Variants in SIRT4 observed in about 807,000 individuals in gnomAD.
SIRT4 encodes sirtuin 4.
SIRT4 carries 23 observed loss-of-function variants against 26.1 expected under a neutral mutation model. The ratio of observed to expected loss-of-function variants is 0.88; its 90% confidence interval spans 0.63 to 1.25. The LOEUF is 1.25. Among genes scored for constraint, SIRT4 ranks in the 50% most tolerant of loss-of-function variants. The pLI is 0.00. For synonymous variants in SIRT4, 155 were observed against 158.4 expected (o/e 0.98, Z 0.16); for missense variants, 361 against 405.4 (o/e 0.89, Z 0.94).
chr12:120,297,181 C>T, the SIRT4 span, among the ~76,000 whole-genome samples: 1 of 151,900 alleles, frequency 6.6e-6, no homozygotes, highest in African/African-American at 2.4e-5. Flanking sequence ...CTAGATTGCG[C>T]CACTGCACTC....
intron 2 of SIRT4, among the ~76,000 whole-genome samples, chr12:120,309,714 C>CTTTTT (rs564627080): frequency 2.7e-5 from 3 of 111,112 alleles, no homozygotes; most frequent in East Asian, 2.6e-4. Flanking sequence ...TGCCCGCTTT[C>CTTTTT]TTTTTTTTTT....
At chr12:120,292,118 G>T in the SIRT4 span, among the ~76,000 whole-genome samples, 1 of 152,200 alleles carries the variant, frequency 6.6e-6, no homozygotes, top group East Asian at 1.9e-4. Context: ...GGACGCTGGG[G>T]AATCTTATGC....
At chr12:120,301,107 G>A (rs555633687), upstream of SIRT4, among the ~76,000 whole-genome samples, 1 of 152,320 alleles carries the variant, frequency 6.6e-6, no homozygotes, top group East Asian at 1.9e-4. Context: ...AGTACTTTGG[G>A]AGGCTAGGGT....
At chr12:120,295,973 G>A in the SIRT4 span, among the ~76,000 whole-genome samples, 1 of 148,048 alleles carries the variant, frequency 6.8e-6, no homozygotes, top group Non-Finnish European at 1.5e-5. Flanking sequence ...TGTAATCCCA[G>A]CTACTAGGGG....
upstream of SIRT4, among the ~76,000 whole-genome samples, chr12:120,299,310 A>G (rs1031534675): frequency 6.3e-4 from 95 of 151,578 alleles, 1 homozygote; most frequent in Admixed American, 5.9e-4. Context: ...CTAGCATTTT[A>G]GGAGACTGAG....
intron 2 of SIRT4, among the ~76,000 whole-genome samples, chr12:120,307,093 C>G (rs542312694): frequency 1.3e-5 from 2 of 152,198 alleles, no homozygotes; most frequent in Admixed American, 1.3e-4. Context: ...TGAAGTCAGT[C>G]TGCCAATGCT....
In SIRT4 at chr12:120,313,125, A is replaced by G; in HGVS notation, c.*89A>G. On this transcript the variant is annotated 3_prime_UTR_variant, in exon 4 of 4. Coordinates refer to ENST00000202967, the MANE Select transcript of SIRT4 (RefSeq NM_012240.3). ...AATGCCTTCTCAAATGACAGATTCC[A>G]GTTCCCATTCAACAGAGTAGGGTGC... is the stretch of plus-strand genomic sequence containing the variant. 6.7e-7 allele frequency: 1 copy of G among 1,484,348 alleles called. No individual in the cohort carries two copies. The highest frequency in any genetic ancestry group is 9.3e-7 in the Non-Finnish European group (1 of 1,071,494). 91.9% of individuals were successfully genotyped at this position (1,484,348 alleles called of 1,614,324 possible).
chr12:120,294,699 G>A, the SIRT4 span, among the ~76,000 whole-genome samples: 7 of 151,618 alleles, frequency 4.6e-5, no homozygotes, highest in Admixed American at 2.0e-4. Context: ...TGTATTTTTC[G>A]TACAGACAGG....
upstream of SIRT4, among the ~76,000 whole-genome samples, chr12:120,297,930 G>C (rs535906341): frequency 1.3e-5 from 2 of 152,002 alleles, no homozygotes; most frequent in Non-Finnish European, 2.9e-5. Context: ...TTTCAGTCTA[G>C]CTTCTGGTGC....
At chr12:120,294,977 C>T in the SIRT4 span, among the ~76,000 whole-genome samples, 7 of 151,510 alleles carry the variant, frequency 4.6e-5, no homozygotes, top group Admixed American at 6.6e-5. Context: ...ATTACAGGTG[C>T]GTGCCACCAA....
At chr12:120,292,730 A>C in the SIRT4 span, among the ~76,000 whole-genome samples, 35 of 147,024 alleles carry the variant, frequency 2.4e-4, no homozygotes, top group Non-Finnish European at 3.1e-4. Context: ...GGAAATCGCT[A>C]AACAGGGGTT....
chr12:120,292,825 G>C, the SIRT4 span, among the ~76,000 whole-genome samples: 2 of 151,834 alleles, frequency 1.3e-5, no homozygotes, highest in African/African-American at 2.4e-5. Context: ...AACAGTGCGA[G>C]AAAGAAAACA....
chr12:120,301,217 C>T (rs989502691), upstream of SIRT4, among the ~76,000 whole-genome samples: 14 of 152,064 alleles, frequency 9.2e-5, no homozygotes, highest in Non-Finnish European at 2.9e-5. Context: ...TAGTGGCATG[C>T]GCCCATAATC....
intron 2 of SIRT4, among the ~76,000 whole-genome samples, chr12:120,309,919 G>A (rs1429560500): frequency 6.6e-6 from 1 of 150,614 alleles, no homozygotes; most frequent in East Asian, 2.0e-4. Flanking sequence ...GTATCACCAT[G>A]TTGGCCAGGC....
chr12:120,307,088 T>A (rs570785977), intron 2 of SIRT4, among the ~76,000 whole-genome samples: 4 of 152,188 alleles, frequency 2.6e-5, no homozygotes, highest in Non-Finnish European at 5.9e-5. Flanking sequence ...AGGGCTGAAG[T>A]CAGTCTGCCA....
the SIRT4 span, chr12:120,292,996 C>CA: frequency 1.3e-5 from 2 of 152,176 alleles, no homozygotes; most frequent in Non-Finnish European, 2.9e-5. Context: ...CCCCATCTCT[C>CA]ATTTAGAGAG....
chr12:120,311,296 G>C (rs1270827623), intron 2 of SIRT4, among the ~76,000 whole-genome samples: 1 of 150,898 alleles, frequency 6.6e-6, no homozygotes, highest in Non-Finnish European at 1.5e-5. Flanking sequence ...CAGAGGTTGC[G>C]GTGAGCCAAG....
intron 2 of SIRT4, among the ~76,000 whole-genome samples, chr12:120,309,169 T>G (rs1182361730): frequency 6.6e-6 from 1 of 151,790 alleles, no homozygotes; most frequent in African/African-American, 2.4e-5. Context: ...GCGACAAGAG[T>G]GAAACTCTGT....
chr12:120,311,310 G>A (rs1323921995), intron 2 of SIRT4, among the ~76,000 whole-genome samples: 6 of 147,340 alleles, frequency 4.1e-5, no homozygotes, highest in East Asian at 4.3e-4. Context: ...AGCCAAGATC[G>A]CGCCATTGCA....
Sources: gnomAD v4.1 joint callset for allele counts (sites outside exome capture counted in the v4.1 genomes callset) on GRCh38, gnomAD v4.1.1 for gene constraint, MANE v1.5 for transcripts, NCBI Gene and HGNC (gene_info 2026-07-23, HGNC 2026-07-21) for gene names.